Variants in SPON1 observed in about 807,000 individuals in gnomAD.
SPON1 encodes the protein spondin 1.
A neutral mutation model predicts 111.7 loss-of-function variants in SPON1; 52 were observed. The ratio of observed to expected loss-of-function variants is 0.47; its 90% CI spans 0.37 to 0.59. SPON1 has a LOEUF of 0.59. Ranked by LOEUF, SPON1 falls within the 20% of genes least tolerant of loss-of-function variation. The pLI is 0.00. For missense variants in SPON1, 957 were observed against 1,068.5 expected, an observed-to-expected ratio of 0.90 and a Z score of 1.46; for synonymous variants, 410 against 395.8, an observed-to-expected ratio of 1.04 and a Z score of -0.43.
chr11:14,255,525 A>G, intron 8 of SPON1, 122 bp from the exon 9 acceptor site: 1 of 835,082 alleles, frequency 1.2e-6, no homozygotes, highest in South Asian at 1.7e-5. Flanking sequence ...CCATAAATAT[A>G]AATAGTAGTT....
chr11:14,260,721 G>A lies in SPON1; in HGVS notation c.1965G>A (p.Glu655=), dbSNP rs1554941834. Residue 655 remains glutamate, a synonymous_variant, in exon 14 of 16, where the codon GAG becomes GAA. Transcript: ENST00000576479. ...AELGDCNEDL[E]QVEKCMLPEC... ...TTGGAGACTGCAATGAGGATCTGGA[G>A]CAGGTGGAGAAGTGCATGCTCCCTG... 1.2e-6 allele frequency: 2 copies of A among 1,613,992 alleles called. No individual in the cohort carries two copies. The highest frequency in any genetic ancestry group is 1.7e-6 in the Non-Finnish European group (2 of 1,179,864).
chr11:14,014,498 T>A (rs1452733281), intron 2 of SPON1, among the ~76,000 whole-genome samples: 1 of 152,232 alleles, frequency 6.6e-6, no homozygotes, highest in Non-Finnish European at 1.5e-5. Flanking sequence ...GGTTTCATCT[T>A]ATGTGTCAAT....
intron 2 of SPON1, among the ~76,000 whole-genome samples, chr11:14,002,674 G>A (rs1554912573): frequency 6.6e-6 from 1 of 152,058 alleles, no homozygotes; most frequent in East Asian, 1.9e-4. Context: ...CAACTCCCAA[G>A]AGCCTGGTGG....
intron 2 of SPON1, among the ~76,000 whole-genome samples, chr11:13,992,488 G>T (rs193097488): frequency 7.6e-4 from 115 of 152,310 alleles, no homozygotes; most frequent in African/African-American, 2.6e-3. Flanking sequence ...ATCTTAGTTT[G>T]CTGGGCTCCG....
At chr11:14,214,040 C>T (rs1191046303) in intron 6 of SPON1, among the ~76,000 whole-genome samples, 5 of 152,148 alleles carry the variant, frequency 3.3e-5, no homozygotes, top group Admixed American at 3.3e-4. Context: ...TGCATTTGTC[C>T]CATCCAAATG....
At chr11:14,161,159 ATATATATC>A (rs1847949939) in intron 6 of SPON1, among the ~76,000 whole-genome samples, 4 of 65,256 alleles carry the variant, frequency 6.1e-5, no homozygotes, top group South Asian at 8.3e-4. Context: ...TATATATTTT[ATATATATC>A]TATATATCTA....
At chr11:13,970,476 G>C (rs1034699964) in intron 1 of SPON1, among the ~76,000 whole-genome samples, 5 of 152,182 alleles carry the variant, frequency 3.3e-5, no homozygotes, top group Admixed American at 2.6e-4. Context: ...GAGAAACAGG[G>C]AAGAGTTCCA....
At chr11:14,263,352 C>G (rs1849212882) in intron 15 of SPON1, among the ~76,000 whole-genome samples, 1 of 152,126 alleles carries the variant, frequency 6.6e-6, no homozygotes, top group Non-Finnish European at 1.5e-5. Context: ...CCATTCACTC[C>G]TTGCAAAGAG....
intron 6 of SPON1, among the ~76,000 whole-genome samples, chr11:14,141,612 G>A (rs1847657231): frequency 6.6e-6 from 1 of 152,154 alleles, no homozygotes; most frequent in Admixed American, 6.6e-5. Context: ...ACCGCCTGTG[G>A]CATGAGAAGC....
intron 5 of SPON1, among the ~76,000 whole-genome samples, chr11:14,090,087 C>T (rs1046697280): frequency 5.9e-5 from 9 of 152,004 alleles, no homozygotes; most frequent in South Asian, 4.2e-4. Flanking sequence ...CTGGGCTCCA[C>T]GGGAATGGGA....
chr11:14,243,081 G>A (rs922570457), intron 6 of SPON1, among the ~76,000 whole-genome samples: 2 of 152,216 alleles, frequency 1.3e-5, no homozygotes, highest in South Asian at 2.1e-4. Flanking sequence ...GGGATGGGCT[G>A]AGCTGGAAAC....
intron 6 of SPON1, among the ~76,000 whole-genome samples, chr11:14,172,053 C>T (rs1462877451): frequency 6.6e-6 from 1 of 152,092 alleles, no homozygotes; most frequent in Non-Finnish European, 1.5e-5. Context: ...TCCTTGTTAA[C>T]TTTCTGTCTC....
intron 6 of SPON1, among the ~76,000 whole-genome samples, chr11:14,175,201 C>A (rs1480823359): frequency 6.6e-6 from 1 of 152,224 alleles, no homozygotes; most frequent in Non-Finnish European, 1.5e-5. Context: ...TTGCTTTTCC[C>A]AGAAGGAGCC....
At chr11:14,013,016 TC>T (rs1315944244) in intron 2 of SPON1, among the ~76,000 whole-genome samples, 1 of 152,218 alleles carries the variant, frequency 6.6e-6, no homozygotes, top group Non-Finnish European at 1.5e-5. Context: ...TTTCTTACAT[TC>T]TTTCCCTGTG....
rs1486739114 is a variant in SPON1 at position 14,201,800 on chromosome 11, C to T, written c.826-41532C>T. ...ATTATTACAAGGACAAAATCTAGTG[C>T]ATCTGATCTTAAGCTATGGTTTCAT... On this transcript the variant is annotated intron_variant, in intron 6 of 15. Coordinates refer to ENST00000576479, the MANE Select transcript of SPON1 (RefSeq NM_006108.4). Among the ~76,000 whole-genome samples the T allele has an allele frequency of 2.0e-5, 3 of 152,096 alleles. No homozygotes were observed. The East Asian group carries it at 5.8e-4, about 29-fold the overall frequency.
chr11:14,090,845 G>T (rs182146843), intron 5 of SPON1, among the ~76,000 whole-genome samples: 5 of 37,988 alleles, frequency 1.3e-4, no homozygotes, highest in Non-Finnish European at 2.2e-4. Flanking sequence ...CCCCCCCCCC[G>T]CCCACATCCT....
At chr11:14,062,738 A>G (rs1848800826) in intron 3 of SPON1, among the ~76,000 whole-genome samples, 2 of 152,220 alleles carry the variant, frequency 1.3e-5, no homozygotes, top group South Asian at 4.1e-4. Context: ...CTTGAAATGC[A>G]TCTCACTTTA....
At chr11:14,207,612 A>T (rs1564931255) in intron 6 of SPON1, among the ~76,000 whole-genome samples, 1 of 152,228 alleles carries the variant, frequency 6.6e-6, no homozygotes, top group African/African-American at 2.4e-5. Context: ...ATGAAAAAAA[A>T]CCTCAACCTC....
At chr11:14,013,592 T>TG (rs1445527074) in intron 2 of SPON1, among the ~76,000 whole-genome samples, 2 of 152,230 alleles carry the variant, frequency 1.3e-5, no homozygotes, top group Non-Finnish European at 2.9e-5. Context: ...TAGGATCTTC[T>TG]GGGGTACATA....
Sources: allele counts gnomAD v4.1 joint callset (sites outside exome capture counted in the v4.1 genomes callset), GRCh38; gene constraint gnomAD v4.1.1; transcripts MANE v1.5; gene names NCBI Gene and HGNC (gene_info 2026-07-23, HGNC 2026-07-21).